TGS1: variants seen among roughly 807,000 people sequenced by gnomAD.
TGS1 encodes the protein trimethylguanosine synthase.
Under a neutral mutation model 92.2 loss-of-function variants are expected in TGS1, and 69 were observed. That is an observed-to-expected ratio of 0.75 (90% confidence interval 0.62 to 0.91). The LOEUF is 0.91. TGS1 is among the 40% of genes least tolerant of loss of function. The probability of loss-of-function intolerance (pLI) is 0.00; values close to 1 mark genes in which losing one functional copy is unlikely to be tolerated. For synonymous variants in TGS1, 345 were observed against 338.1 expected (o/e 1.02, Z -0.22); for missense variants, 1,062 against 1,001.2 (o/e 1.06, Z -0.82).
At chr8:55,790,638 C>T (rs1303687835) in intron 5 of TGS1, among the ~76,000 whole-genome samples, 2 of 152,030 alleles carry the variant, frequency 1.3e-5, no homozygotes, top group Non-Finnish European at 2.9e-5. Flanking sequence ...GATCCTTCTG[C>T]CTTGAGTAGC....
At chr8:55,780,130 T>C (rs532205512) in intron 1 of TGS1, among the ~76,000 whole-genome samples, 1 of 151,528 alleles carries the variant, frequency 6.6e-6, no homozygotes, top group Non-Finnish European at 1.5e-5. Context: ...GTGCTAGGAT[T>C]ATAGGCATGA....
At chr8:55,798,013 A>G (rs753559199) in intron 7 of TGS1, among the ~76,000 whole-genome samples, 15 of 152,224 alleles carry the variant, frequency 9.9e-5, no homozygotes, top group Non-Finnish European at 1.6e-4. Flanking sequence ...ACTGCCTAGT[A>G]TTAGTCCAGT....
At chr8:55,781,288 T>G (rs1015693204) in intron 1 of TGS1, among the ~76,000 whole-genome samples, 1 of 152,216 alleles carries the variant, frequency 6.6e-6, no homozygotes, top group African/African-American at 2.4e-5. Context: ...TGAGGGTTCT[T>G]TCTAGCCTTC....
Position 55,813,105 on chromosome 8 carries a change from C to T in TGS1, c.2426C>T (p.Ala809Val). 1 of 1,608,190 alleles carries T rather than the reference C, an allele frequency of 6.2e-7. No homozygotes were observed. The highest frequency in any genetic ancestry group is 1.1e-5 in the South Asian group (1 of 90,664). ...ATTGTTTATTTTCTTCCAAGAAATG[C>T]TGATATTGACCAGGTAAGCCATTAC... ...NNIVYFLPRN[A>V]DIDQVASLAG... is the part of the protein sequence containing the mutation. The change falls in exon 12 of 13, where the codon GCT (alanine) becomes GTT (valine). Residue 809 changes from alanine to valine, a missense_variant. By Grantham distance (64) the Ala-to-Val change is moderately conservative. Coordinates refer to ENST00000260129, the MANE Select transcript of TGS1 (RefSeq NM_024831.8).
intron 8 of TGS1, among the ~76,000 whole-genome samples, chr8:55,801,741 A>G (rs540073557): frequency 6.8e-6 from 1 of 146,630 alleles, no homozygotes; most frequent in South Asian, 2.2e-4. Flanking sequence ...GGCACCTACC[A>G]CCACGCCTAG....
Position 55,792,687 on chromosome 8 carries a change from T to A in TGS1, c.1281-11T>A. ...TAATGGCTTATCACTGTTTACCTTTTCTTTATTTAGCCATGAACTGGACAT... is the reference window on the plus strand; with the variant it reads ...TAATGGCTTATCACTGTTTACCTTTACTTTATTTAGCCATGAACTGGACAT... On this transcript the variant is annotated splice_polypyrimidine_tract_variant and intron_variant, in intron 5 of 12. Coordinates refer to ENST00000260129, the MANE Select transcript of TGS1 (RefSeq NM_024831.8). The A allele has an allele frequency of 1.9e-6, 3 of 1,606,538 alleles. No individual in the cohort carries two copies. The highest frequency in any genetic ancestry group is 2.6e-6 in the Non-Finnish European group (3 of 1,173,228).
At chr8:55,776,554 C>T (rs1811408071) in intron 1 of TGS1, among the ~76,000 whole-genome samples, 1 of 152,194 alleles carries the variant, frequency 6.6e-6, no homozygotes. Flanking sequence ...GCTGGGATTA[C>T]AGGCGTGAGC....
intron 12 of TGS1, among the ~76,000 whole-genome samples, chr8:55,821,745 C>T (rs1048787176): frequency 5.3e-5 from 8 of 151,586 alleles, no homozygotes; most frequent in South Asian, 4.2e-4. Flanking sequence ...TGGTGGCGGG[C>T]GCCTGTAGTC....
chr8:55,813,161 T>C (rs748470044), intron 12 of TGS1, 43 bp downstream of exon 12: 1 of 1,360,306 alleles, frequency 7.4e-7, no homozygotes, highest in South Asian at 1.2e-5. Flanking sequence ...CTGTCTTAAC[T>C]GTTACAAGTA....
chr8:55,802,949 G>A (rs1196548765), intron 9 of TGS1, among the ~76,000 whole-genome samples: 2 of 150,136 alleles, frequency 1.3e-5, no homozygotes, highest in Admixed American at 1.3e-4. Flanking sequence ...TCCTAATCTT[G>A]TCCTTTATCA....
chr8:55,794,898 C>T (rs1189404123), intron 6 of TGS1, among the ~76,000 whole-genome samples: 4 of 152,118 alleles, frequency 2.6e-5, no homozygotes, highest in African/African-American at 9.7e-5. Flanking sequence ...AAGTAGATAC[C>T]TACACATTAT....
intron 6 of TGS1, 39 bp downstream of exon 6, chr8:55,792,823 A>G: frequency 7.4e-7 from 1 of 1,354,084 alleles, no homozygotes; most frequent in Non-Finnish European, 1.1e-6. Context: ...CAGAAGTCCT[A>G]ACCACTTCAA....
rs1812028483 is a variant in TGS1, at chr8:55,795,863, A to T, written c.1368-115A>T. 7.7e-6 allele frequency: 6 copies of T among 777,618 alleles called. No individual in the cohort carries two copies. The South Asian group carries it at 1.0e-4, about 13-fold the overall frequency. The allele number at this position is 777,618 out of a possible 1,614,324, so 48.2% of individuals were successfully genotyped here. On this transcript the variant is annotated intron_variant, in intron 6 of 12. Transcript: ENST00000260129. ...ATTTTATCATTTTCATAATTTTAAA[A>T]AGGGAATTAAAATGGTGTAAAAATG...
At chr8:55,786,169 G>A (rs1811702486) in intron 3 of TGS1, 69 bp from the exon 4 acceptor site, 4 of 914,702 alleles carry the variant, frequency 4.4e-6, no homozygotes, top group Non-Finnish European at 4.8e-6. Flanking sequence ...TGTCAAAATA[G>A]ACTTGGATTC....
Position 55,811,075 on chromosome 8 carries a change from A to G in TGS1, c.2338A>G (p.Arg780Gly). ...TGCCACTGCAGAGACCTTTGACATTAGAACAATGATGTCTCCTGATGGATA... is the reference window on the plus strand; with the variant it reads ...TGCCACTGCAGAGACCTTTGACATTGGAACAATGATGTCTCCTGATGGATA... ...DYATAETFDI[R>G]TMMSPDGFEI... Residue 780 changes from arginine to glycine, a missense_variant, in exon 11 of 13, where the codon AGA becomes GGA. Transcript: ENST00000260129. The G allele has an allele frequency of 6.2e-7, 1 of 1,613,852 alleles. No individual in the cohort carries two copies. Among genetic ancestry groups the G allele is most frequent in the Non-Finnish European group, 8.5e-7 (1 of 1,179,892 alleles).
Position 55,795,998 on chromosome 8 carries a change from T to G in TGS1, c.1388T>G (p.Phe463Cys), listed in dbSNP as rs1313879632. The change falls in exon 7 of 13, where the codon TTC (phenylalanine) becomes TGC (cysteine). Residue 463 changes from phenylalanine (F) to cysteine (C), a missense_variant. Phe to Cys is a radical substitution (Grantham distance 205). Transcript: ENST00000260129. ...CACAGATATGGTGGAATCCCAAATT[T>G]CAGTCATCGGCAGGTCAGGTATTTA... is the stretch of plus-strand genomic sequence containing the variant. Reference protein sequence around the residue: ...SGQKYGGIPNFSHRQVRYLEK... With the variant: ...SGQKYGGIPNCSHRQVRYLEK... 6.2e-7 allele frequency: 1 copy of G among 1,613,236 alleles called. No individual in the cohort carries two copies. The highest frequency in any genetic ancestry group is 1.3e-5 in the African/African-American group (1 of 74,916).
intron 12 of TGS1, among the ~76,000 whole-genome samples, chr8:55,822,548 CCT>C (rs1491578318): frequency 1.4e-5 from 2 of 147,654 alleles, no homozygotes; most frequent in African/African-American, 5.2e-5. Flanking sequence ...AGACAAAATA[CCT>C]TTTTTTTTTT....
chr8:55,801,740 C>A (rs1287677425), intron 8 of TGS1, among the ~76,000 whole-genome samples: 1 of 151,354 alleles, frequency 6.6e-6, no homozygotes, highest in Non-Finnish European at 1.5e-5. Flanking sequence ...AGGCACCTAC[C>A]ACCACGCCTA....
At chr8:55,790,393 C>T in intron 5 of TGS1, 94 bp downstream of exon 5, 1 of 778,646 alleles carries the variant, frequency 1.3e-6, no homozygotes, top group Non-Finnish European at 2.2e-6. Flanking sequence ...ATGTTCACAA[C>T]ACCAGTAATC....
Sources: gnomAD v4.1 joint callset for allele counts (sites outside exome capture counted in the v4.1 genomes callset) on GRCh38, gnomAD v4.1.1 for gene constraint, MANE v1.5 for transcripts, NCBI Gene and HGNC (gene_info 2026-07-23, HGNC 2026-07-21) for gene names.